The following MOB2 variants were observed in gnomAD, a reference collection of about 807,000 sequenced individuals.
MOB2 encodes the protein MOB kinase activator 2.
Under a neutral mutation model 27.4 loss-of-function variants are expected in MOB2, and 14 were observed. The observed-to-expected ratio is 0.51, with a 90% CI of 0.34 to 0.80. The LOEUF (loss-of-function observed/expected upper bound fraction) is 0.80, where lower values mean the gene tolerates loss of function less well. MOB2 is among the 30% of genes least tolerant of loss of function. The probability of loss-of-function intolerance (pLI) is 0.01; values close to 1 mark genes in which losing one functional copy is unlikely to be tolerated. For missense variants in MOB2, 304 were observed against 354.6 expected, an observed-to-expected ratio of 0.86 and a Z score of 1.15; for synonymous variants, 167 against 151.8, an observed-to-expected ratio of 1.10 and a Z score of -0.74.
At chr11:1,476,627 T>C (rs1847854973) in intron 3 of MOB2, among the ~76,000 whole-genome samples, 2 of 152,216 alleles carry the variant, frequency 1.3e-5, no homozygotes, top group Admixed American at 6.5e-5. Flanking sequence ...TCTGTTCTTA[T>C]TTACTTTCTT....
At chr11:1,484,364 C>T (rs1397797178) in intron 1 of MOB2, among the ~76,000 whole-genome samples, 8 of 152,162 alleles carry the variant, frequency 5.3e-5, no homozygotes, top group Admixed American at 2.0e-4. Flanking sequence ...CCGCAGGTGA[C>T]GCCTCTGAGG....
intron 3 of MOB2, among the ~76,000 whole-genome samples, chr11:1,474,363 G>A (rs1314039176): frequency 6.6e-6 from 1 of 152,214 alleles, no homozygotes; most frequent in African/African-American, 2.4e-5. Context: ...CCAGCCTGGA[G>A]TTTGTCTTCT....
chr11:1,486,532 G>A lies in MOB2; in HGVS notation c.25C>T (p.Pro9Ser), dbSNP rs1259642107. 6.5e-7 allele frequency: 1 copy of A among 1,535,770 alleles called. No individual in the cohort carries two copies. Among genetic ancestry groups the A allele is most frequent in the East Asian group, 2.4e-5 (1 of 40,916 alleles). Residue 9 changes from proline to serine, a missense_variant, in exon 1 of 5, where the codon CCT (proline) becomes TCT (serine). By Grantham distance (74) the Pro-to-Ser change is moderately conservative (BLOSUM62 -1). Transcript: ENST00000329957. ...TGGCCGGGCCGGGCTTGGTCTTCAG[G>A]GAGACTGCAGTGGTCTCCCAGCATG... MLGDHCSL[P>S]EDQARPGQSL...
chr11:1,483,087 T>C (rs1475132691), intron 1 of MOB2, among the ~76,000 whole-genome samples: 2 of 152,060 alleles, frequency 1.3e-5, no homozygotes, highest in African/African-American at 4.8e-5. Flanking sequence ...AGAAAACACC[T>C]CTGCGGCGCC....
chr11:1,486,361 C>T, intron 1 of MOB2, 86 bp downstream of exon 1: 2 of 1,075,638 alleles, frequency 1.9e-6, no homozygotes, highest in Non-Finnish European at 2.7e-6. Flanking sequence ...CCGCCGCCTC[C>T]CCACCCTGAC....
chr11:1,481,956 C>T (rs1174509776), intron 1 of MOB2, among the ~76,000 whole-genome samples: 3 of 152,106 alleles, frequency 2.0e-5, no homozygotes, highest in Admixed American at 6.5e-5. Context: ...GCCCCTCGCC[C>T]CAGCACAGCG....
rs955187300 is a variant in MOB2, at chr11:1,469,460, C to T, written c.*712G>A. 4.7e-6 allele frequency: 2 copies of T among 422,480 alleles called. No individual in the cohort carries two copies. The highest frequency in any genetic ancestry group is 2.0e-5 in the African/African-American group (1 of 49,410). The allele number at this position is 422,480 out of a possible 1,614,324, so 26.2% of individuals were successfully genotyped here. On this transcript the variant is annotated 3_prime_UTR_variant, in exon 5 of 5. Transcript: ENST00000329957. ...ACGCTGAGACGTACACAGGCTCTGA[C>T]CTGAGAGAATTCTTTTTATTACGAG...
chr11:1,477,192 C>T (rs1327393737), intron 3 of MOB2, among the ~76,000 whole-genome samples: 3 of 152,186 alleles, frequency 2.0e-5, no homozygotes, highest in South Asian at 2.1e-4. Context: ...CTACACAGGC[C>T]GTCCGTTTGC....
At chr11:1,480,927 C>G in intron 1 of MOB2, 42 bp from the exon 2 acceptor site, 1 of 1,546,490 alleles carries the variant, frequency 6.5e-7, no homozygotes, top group Non-Finnish European at 8.7e-7. Context: ...ACACGCCCAT[C>G]AGACCCAGGG....
At chr11:1,471,660 G>A (rs1422462557) in intron 3 of MOB2, 3 of 475,044 alleles carry the variant, frequency 6.3e-6, no homozygotes, top group African/African-American at 5.9e-5. Flanking sequence ...TCACGCTGGG[G>A]AGCCTGCCAG....
chr11:1,477,483 C>A (rs182408236), intron 3 of MOB2, among the ~76,000 whole-genome samples: 308 of 152,282 alleles, frequency 2.0e-3, no homozygotes, highest in Non-Finnish European at 3.6e-3. Context: ...TAACCCCAGA[C>A]GCAAGGGTAT....
Position 1,482,416 on chromosome 11 carries a change from C to T in MOB2, c.111-1531G>A, listed in dbSNP as rs537283677. On this transcript the variant is annotated intron_variant, in intron 1 of 4. Transcript: ENST00000329957. ...CCAGGCTGGGGCTACCTTCCACCTC[C>T]GGTCCTCAGAGAGGGCTGGGCAGGG... is the stretch of plus-strand genomic sequence containing the variant. 5.3e-5 allele frequency among the ~76,000 whole-genome samples: 8 copies of T among 152,322 alleles called. No homozygotes were observed. The South Asian group carries it at 1.0e-3, about 20-fold the overall frequency.
Position 1,469,813 on chromosome 11 carries a change from C to G in MOB2, c.*359G>C, listed in dbSNP as rs113734460. On this transcript the variant is annotated 3_prime_UTR_variant, in exon 5 of 5. Transcript: ENST00000329957. ...AGGTCTGCAAATCACACCCTCCCCCCACGAGTTCCTCCTTTGAGGCCAGCA... is the reference window on the plus strand; with the variant it reads ...AGGTCTGCAAATCACACCCTCCCCCGACGAGTTCCTCCTTTGAGGCCAGCA... The G allele has an allele frequency of 6.0e-5, 32 of 529,818 alleles. No homozygotes were observed. Among genetic ancestry groups the G allele is most frequent in the Middle Eastern group, 2.8e-4 (1 of 3,524 alleles). 32.8% of individuals were successfully genotyped at this position (529,818 alleles called of 1,614,324 possible).
At chr11:1,484,765 G>A (rs1480834420) in intron 1 of MOB2, among the ~76,000 whole-genome samples, 1 of 152,092 alleles carries the variant, frequency 6.6e-6, no homozygotes, top group African/African-American at 2.4e-5. Context: ...TCCCACTTCT[G>A]TCACACGGCC....
chr11:1,486,760 T>G lies in MOB2; in HGVS notation c.-204A>C. 11 of 477,404 alleles carry G rather than the reference T, an allele frequency of 2.3e-5. No homozygotes were observed. Among genetic ancestry groups the G allele is most frequent in the East Asian group, 4.0e-5 (1 of 25,124 alleles). 29.6% of individuals were successfully genotyped at this position (477,404 alleles called of 1,614,324 possible). On this transcript the variant is annotated 5_prime_UTR_variant, in exon 1 of 5. Coordinates refer to ENST00000329957, the MANE Select transcript of MOB2 (RefSeq NM_001172223.3). ...AGCGTCTGAATTGGCCTTTTCCAAG[T>G]GGCATGGCTGCCAGAAGAGGCGGTG...
At chr11:1,483,067 T>C (rs575056071) in intron 1 of MOB2, among the ~76,000 whole-genome samples, 12 of 152,338 alleles carry the variant, frequency 7.9e-5, no homozygotes, top group African/African-American at 2.9e-4. Flanking sequence ...TTCTTGGCTT[T>C]GCCCAGTGGA....
At chr11:1,484,046 C>T (rs928008383) in intron 1 of MOB2, among the ~76,000 whole-genome samples, 13 of 152,202 alleles carry the variant, frequency 8.5e-5, no homozygotes, top group African/African-American at 3.1e-4. Flanking sequence ...GAGTGCCCTG[C>T]ACCTTTGCCA....
At chr11:1,475,920 G>T (rs1324026304) in intron 3 of MOB2, among the ~76,000 whole-genome samples, 1 of 152,214 alleles carries the variant, frequency 6.6e-6, no homozygotes, top group Non-Finnish European at 1.5e-5. Flanking sequence ...TTTAGGTCAA[G>T]GAAGTGCTTT....
intron 3 of MOB2, among the ~76,000 whole-genome samples, chr11:1,478,661 G>A (rs546032403): frequency 3.9e-5 from 6 of 152,346 alleles, no homozygotes; most frequent in Non-Finnish European, 5.9e-5. Context: ...ACGTGTCTGT[G>A]AGCCTTATTT....
Sources: allele counts gnomAD v4.1 joint callset (sites outside exome capture counted in the v4.1 genomes callset), GRCh38; gene constraint gnomAD v4.1.1; transcripts MANE v1.5; gene names NCBI Gene and HGNC (gene_info 2026-07-23, HGNC 2026-07-21).